Variants in GPR39 observed in about 807,000 individuals in gnomAD.
The protein encoded by GPR39 is zinc sensing receptor.
In GPR39, 23 loss-of-function variants were observed where a neutral mutation model predicts 18.4. That is an observed-to-expected ratio of 1.25 (90% CI 0.90 to 1.77). The LOEUF is 1.77. Ranked by LOEUF, GPR39 falls within the 40% of genes most tolerant of loss-of-function variation. GPR39 has a pLI of 0.00. For missense variants in GPR39, 647 were observed against 602.4 expected (o/e 1.07, Z -0.78); for synonymous variants, 280 against 257.9 (o/e 1.09, Z -0.82).
intron 1 of GPR39, among the ~76,000 whole-genome samples, chr2:132,603,376 G>T (rs1483202503): frequency 1.3e-5 from 2 of 152,114 alleles, no homozygotes; most frequent in South Asian, 2.1e-4. Context: ...AGTCTGATAA[G>T]GGGAGGAGAG....
intron 1 of GPR39, 169 bp from the exon 2 acceptor site, chr2:132,644,928 TCTTG>T: frequency 1.5e-6 from 1 of 689,534 alleles, no homozygotes; most frequent in Non-Finnish European, 2.4e-6. Flanking sequence ...TTAAATTCTC[TCTTG>T]CTTGTGGCAA....
chr2:132,436,967 A>G (rs192599421), intron 1 of GPR39, among the ~76,000 whole-genome samples: 3 of 152,210 alleles, frequency 2.0e-5, no homozygotes, highest in African/African-American at 4.8e-5. Flanking sequence ...CCAAGGCCCT[A>G]TGAGGCAGGT....
At chr2:132,540,049 G>A (rs369740648) in intron 1 of GPR39, among the ~76,000 whole-genome samples, 19 of 152,100 alleles carry the variant, frequency 1.2e-4, no homozygotes, top group South Asian at 8.3e-4. Context: ...AAGAAAATCC[G>A]TGTCTACCCT....
chr2:132,553,421 C>G (rs763538681), intron 1 of GPR39, among the ~76,000 whole-genome samples: 1 of 150,258 alleles, frequency 6.7e-6, no homozygotes, highest in Non-Finnish European at 1.5e-5. Flanking sequence ...TGTACACACA[C>G]AAATATATAC....
At chr2:132,493,034 T>TATATATACCATATATACC (rs1179031968) in intron 1 of GPR39, among the ~76,000 whole-genome samples, 14 of 130,280 alleles carry the variant, frequency 1.1e-4, no homozygotes, top group Non-Finnish European at 1.6e-5. Context: ...ATATATACCA[T>TATATATACCATATATACC]ATATATACCA....
intron 1 of GPR39, among the ~76,000 whole-genome samples, chr2:132,575,423 G>T (rs1680513362): frequency 1.3e-5 from 2 of 152,162 alleles, no homozygotes; most frequent in African/African-American, 4.8e-5. Flanking sequence ...CAATGTCTTG[G>T]AAAACTATAC....
At chr2:132,635,284 C>G (rs555537443) in intron 1 of GPR39, among the ~76,000 whole-genome samples, 12 of 152,216 alleles carry the variant, frequency 7.9e-5, no homozygotes, top group African/African-American at 2.9e-4. Flanking sequence ...ACTATATAAA[C>G]GTTTTCTGTT....
chr2:132,592,807 G>A (rs1290920288), intron 1 of GPR39, among the ~76,000 whole-genome samples: 2 of 152,174 alleles, frequency 1.3e-5, no homozygotes, highest in Non-Finnish European at 2.9e-5. Context: ...GATGCAGAAT[G>A]TGAGAGATAT....
chr2:132,448,978 C>A (rs1359123423), intron 1 of GPR39, among the ~76,000 whole-genome samples: 2 of 152,192 alleles, frequency 1.3e-5, no homozygotes, highest in African/African-American at 4.8e-5. Flanking sequence ...TCTCTTACAG[C>A]CAGCTCTCCG....
chr2:132,525,748 A>G (rs1679496529), intron 1 of GPR39, among the ~76,000 whole-genome samples: 3 of 152,214 alleles, frequency 2.0e-5, no homozygotes, highest in African/African-American at 7.2e-5. Flanking sequence ...TGTTCCAGAC[A>G]TGATCTCCAA....
chr2:132,461,668 A>T (rs1680834032), intron 1 of GPR39, among the ~76,000 whole-genome samples: 1 of 152,218 alleles, frequency 6.6e-6, no homozygotes, highest in South Asian at 2.1e-4. Context: ...TTTGTCGTAA[A>T]TCCCCCATCA....
intron 1 of GPR39, among the ~76,000 whole-genome samples, chr2:132,591,272 AAAAAAC>A (rs1680836767): frequency 8.1e-5 from 10 of 123,200 alleles, no homozygotes; most frequent in Admixed American, 1.7e-4. Context: ...AAAAAAAAAA[AAAAAAC>A]AAAAAAAAAC....
intron 1 of GPR39, among the ~76,000 whole-genome samples, chr2:132,441,384 C>CTTTTT (rs56044915): frequency 1.1e-5 from 1 of 92,418 alleles, no homozygotes. Flanking sequence ...TGCATATATG[C>CTTTTT]TTTTTTTTTT....
Position 132,417,917 on chromosome 2 carries a change from G to A in GPR39, c.856+19G>A, listed in dbSNP as rs574435829. The A allele has an allele frequency of 8.4e-6, 13 of 1,555,438 alleles. No homozygotes were observed. In the Admixed American group the frequency reaches 1.7e-4, roughly 21 times the overall value. ...TTCCTGAGTGAGTCCTAAGTCGGGG[G>A]CAACACGTGAGCAGCTTCCCAACCT... On this transcript the variant is annotated intron_variant, in intron 1 of 1. Transcript: ENST00000329321.
chr2:132,600,805 T>G (rs1681030011), intron 1 of GPR39, among the ~76,000 whole-genome samples: 1 of 151,816 alleles, frequency 6.6e-6, no homozygotes, highest in Non-Finnish European at 1.5e-5. Context: ...AAAAAAAAAA[T>G]CAATAGCTTT....
intron 1 of GPR39, among the ~76,000 whole-genome samples, chr2:132,617,393 C>T (rs1681355594): frequency 6.6e-6 from 1 of 152,148 alleles, no homozygotes; most frequent in Non-Finnish European, 1.5e-5. Flanking sequence ...TCCTTTGCTT[C>T]TCTACTTGAA....
intron 1 of GPR39, among the ~76,000 whole-genome samples, chr2:132,570,407 C>A (rs1041840009): frequency 6.6e-6 from 1 of 152,124 alleles, no homozygotes; most frequent in African/African-American, 2.4e-5. Flanking sequence ...CTTATTTTAT[C>A]CTTATATGCC....
At chr2:132,628,765 G>A (rs571698288) in intron 1 of GPR39, among the ~76,000 whole-genome samples, 4 of 150,754 alleles carry the variant, frequency 2.7e-5, no homozygotes, top group South Asian at 4.2e-4. Flanking sequence ...ATAGTAATAC[G>A]TGTGTGTGTG....
At chr2:132,448,713 TA>T (rs1680581418) in intron 1 of GPR39, among the ~76,000 whole-genome samples, 1 of 152,238 alleles carries the variant, frequency 6.6e-6, no homozygotes, top group African/African-American at 2.4e-5. Context: ...CATGATACTT[TA>T]TTTCATATTT....
Sources: gnomAD v4.1 joint callset for allele counts (sites outside exome capture counted in the v4.1 genomes callset) on GRCh38, gnomAD v4.1.1 for gene constraint, MANE v1.5 for transcripts, NCBI Gene and HGNC (gene_info 2026-07-23, HGNC 2026-07-21) for gene names.